Variants in ANKRD24 observed in about 807,000 individuals in gnomAD.
ANKRD24 encodes the protein ankyrin repeat domain-containing protein 24.
A neutral mutation model predicts 127.8 loss-of-function variants in ANKRD24; 109 were observed. That is an observed-to-expected ratio of 0.85 (90% CI 0.73 to 1.00). The LOEUF is 1.00. Among genes scored for constraint, ANKRD24 ranks in the 50% least tolerant of loss-of-function variants. The probability of loss-of-function intolerance (pLI) is 0.00; values close to 1 mark genes in which losing one functional copy is unlikely to be tolerated. For synonymous variants in ANKRD24, 743 were observed against 671.1 expected (o/e 1.11, Z -1.66); for missense variants, 1,648 against 1,570.2 (o/e 1.05, Z -0.84).
At chr19:4,184,353 T>G (rs1434798662) in intron 1 of ANKRD24, among the ~76,000 whole-genome samples, 1 of 152,138 alleles carries the variant, frequency 6.6e-6, no homozygotes, top group Admixed American at 6.5e-5. Flanking sequence ...GAGGATCCCC[T>G]TATGGCCCCA....
chr19:4,199,605 G>A lies in ANKRD24; in HGVS notation c.37-78G>A. On this transcript the variant is annotated intron_variant, in intron 2 of 21. Transcript: ENST00000318934. This position sits in a 1 kb window ranked among gnomAD's most constrained non-coding sequence, Gnocchi z 5.2. ...GTTGGACAACTGGGGTGATGGGCCTGGGGGCAGATGCTGGGGGTCGCAGGC... is the reference window on the plus strand; with the variant it reads ...GTTGGACAACTGGGGTGATGGGCCTAGGGGCAGATGCTGGGGGTCGCAGGC... The A allele has an allele frequency of 6.8e-7, 1 of 1,461,754 alleles. No homozygotes were observed. Among genetic ancestry groups the A allele is most frequent in the Non-Finnish European group, 9.0e-7 (1 of 1,112,684 alleles). 90.5% of individuals were successfully genotyped at this position (1,461,754 alleles called of 1,614,324 possible).
intron 2 of ANKRD24, among the ~76,000 whole-genome samples, chr19:4,191,316 G>A (rs1348439833): frequency 4.3e-5 from 1 of 23,210 alleles, no homozygotes; most frequent in African/African-American, 1.7e-4. Context: ...GCAGGGGCCA[G>A]GCCCCCCCCT....
intron 15 of ANKRD24, among the ~76,000 whole-genome samples, chr19:4,214,698 AC>A (rs1599453637): frequency 6.6e-6 from 1 of 152,194 alleles, no homozygotes. Context: ...TACTAAAAAT[AC>A]AAAAATTAGC....
At chr19:4,211,776 C>T (rs114357673) in intron 13 of ANKRD24, among the ~76,000 whole-genome samples, 2,677 of 152,214 alleles carry the variant, frequency 0.018, 67 homozygotes, top group African/African-American at 0.062. Context: ...TACTGGCACA[C>T]ACAGCAGGCA....
intron 6 of ANKRD24, among the ~76,000 whole-genome samples, chr19:4,202,297 G>T (rs1568324480): frequency 6.6e-6 from 1 of 152,070 alleles, no homozygotes; most frequent in South Asian, 2.1e-4. Flanking sequence ...GCCAGGCGCG[G>T]TGGCTCACGC....
At chr19:4,192,917 G>C (rs943858694) in intron 2 of ANKRD24, among the ~76,000 whole-genome samples, 1 of 151,922 alleles carries the variant, frequency 6.6e-6, no homozygotes, top group African/African-American at 2.4e-5. Context: ...CTGGGTGACA[G>C]AGCAAGACCC....
At chr19:4,186,977 C>T (rs947919645) in intron 2 of ANKRD24, among the ~76,000 whole-genome samples, 1 of 152,092 alleles carries the variant, frequency 6.6e-6, no homozygotes, top group Non-Finnish European at 1.5e-5. Flanking sequence ...AAATAAGTGA[C>T]AATGTGTATT....
At position 4,199,431 on chromosome 19, in the gene ANKRD24, C is replaced by A; in HGVS notation, c.37-252C>A. The stretch of plus-strand genomic sequence containing the variant: ...CCTACTATGGTGCCCAGGTTTGTCT[C>A]AAACTCCTAGGCTCAAGCGATCCTC... On this transcript the variant is annotated intron_variant, in intron 2 of 21. Transcript: ENST00000318934. This position sits in a 1 kb window ranked among gnomAD's most constrained non-coding sequence, Gnocchi z 5.2. The A allele has an allele frequency of 1.1e-6, 1 of 915,358 alleles. No homozygotes were observed. The highest frequency in any genetic ancestry group is 1.3e-6 in the Non-Finnish European group (1 of 766,118). The allele number at this position is 915,358 out of a possible 1,614,324, so 56.7% of individuals were successfully genotyped here.
Position 4,208,817 on chromosome 19 carries a change from C to T in ANKRD24, c.870+16C>T, listed in dbSNP as rs1273873653. 1.2e-6 allele frequency: 2 copies of T among 1,611,874 alleles called. No individual in the cohort carries two copies. ...GTCATCTCAGGTATGGACCCCTAAG[C>T]AGTGAAGGAGCCCCTCCTCCCTGCA... On this transcript the variant is annotated intron_variant, in intron 11 of 21. Coordinates refer to ENST00000318934, the MANE Select transcript of ANKRD24 (RefSeq NM_001393985.1).
chr19:4,198,188 C>G lies in ANKRD24; in HGVS notation c.37-1495C>G. 5.2e-6 allele frequency: 3 copies of G among 571,870 alleles called. No homozygotes were observed. Among genetic ancestry groups the G allele is most frequent in the Non-Finnish European group, 9.3e-6 (3 of 323,006 alleles). 35.4% of individuals were successfully genotyped at this position (571,870 alleles called of 1,614,324 possible). A position where few individuals can be genotyped will look rare whatever the true frequency, so the allele number is the denominator to read the frequency against. ...TGAGGGAGCCGGGCCCCCGGCGCCGCGTCCTCCTCATCCTCCAGGCGACAA... is the reference window on the plus strand; with the variant it reads ...TGAGGGAGCCGGGCCCCCGGCGCCGGGTCCTCCTCATCCTCCAGGCGACAA... On this transcript the variant is annotated intron_variant, in intron 2 of 21. Transcript: ENST00000318934. The surrounding 1 kb of genome is among the most constrained non-coding windows in gnomAD (Gnocchi z 6.1).
Position 4,217,874 on chromosome 19 carries a change from C to T in ANKRD24, c.2714C>T (p.Ala905Val). 6.8e-7 allele frequency: 1 copy of T among 1,460,700 alleles called. No individual in the cohort carries two copies. Among genetic ancestry groups the T allele is most frequent in the Non-Finnish European group, 9.0e-7 (1 of 1,113,414 alleles). The allele number at this position is 1,460,700 out of a possible 1,614,324, so 90.5% of individuals were successfully genotyped here. ...ARQGLAELREASEALRQSVVP... is the reference protein window; with the variant it reads ...ARQGLAELREVSEALRQSVVP... ...CAGGGCCTGGCCGAGCTGCGGGAGG[C>T]CTCCGAGGCCCTCCGCCAGTCCGTG... Residue 905 changes from alanine to valine, a missense_variant, in exon 18 of 22, where the codon GCC (alanine) becomes GTC (valine). Transcript: ENST00000318934.
Position 4,210,385 on chromosome 19 carries a change from C to G in ANKRD24, c.1059+13C>G. 3.3e-6 allele frequency: 5 copies of G among 1,531,852 alleles called. No homozygotes were observed. The South Asian group carries it at 6.1e-5, about 19-fold the overall frequency. 94.9% of individuals were successfully genotyped at this position (1,531,852 alleles called of 1,614,324 possible). A position where few individuals can be genotyped will look rare whatever the true frequency, so the allele number is the denominator to read the frequency against. ...GAGGCAGCAGGAGGTTAGGAGGCCTCGGAGATTTGGGCGTGGGCCAGCCTG... is the reference window on the plus strand; with the variant it reads ...GAGGCAGCAGGAGGTTAGGAGGCCTGGGAGATTTGGGCGTGGGCCAGCCTG... On this transcript the variant is annotated intron_variant, in intron 13 of 21. Transcript: ENST00000318934.
At position 4,183,333 on chromosome 19, in the gene ANKRD24, T is replaced by C. The variant is rs948353404; in HGVS notation, c.-37+593T>C. ...GTTCTGCATTCTGCAGGACAGGTCC[T>C]GCTCAAGGTCAATGGGGCTGGTGGC... On this transcript the variant is annotated intron_variant, in intron 1 of 21. Transcript: ENST00000318934. The C allele has an allele frequency of 5.1e-6, 5 of 986,318 alleles. No homozygotes were observed. In the African/African-American group the frequency reaches 8.7e-5, roughly 17 times the overall value. 61.1% of individuals were successfully genotyped at this position (986,318 alleles called of 1,614,324 possible). A position where few individuals can be genotyped will look rare whatever the true frequency, so the allele number is the denominator to read the frequency against.
intron 2 of ANKRD24, among the ~76,000 whole-genome samples, chr19:4,190,844 G>A (rs571781898): frequency 1.3e-5 from 2 of 152,340 alleles, no homozygotes; most frequent in Non-Finnish European, 2.9e-5. Flanking sequence ...TTCCTCAGAA[G>A]TAGTAGCCAC....
At chr19:4,196,721 G>A (rs755306471) in intron 2 of ANKRD24, among the ~76,000 whole-genome samples, 4 of 152,198 alleles carry the variant, frequency 2.6e-5, no homozygotes, top group Non-Finnish European at 5.9e-5. Flanking sequence ...GGTCTTGGCT[G>A]TGCCCCAGAG....
Position 4,199,673 on chromosome 19 carries a change from C to T in ANKRD24, c.37-10C>T. 1.3e-6 allele frequency: 2 copies of T among 1,523,716 alleles called. No homozygotes were observed. The highest frequency in any genetic ancestry group is 8.8e-7 in the Non-Finnish European group (1 of 1,139,892). The allele number at this position is 1,523,716 out of a possible 1,614,324, so 94.4% of individuals were successfully genotyped here. On this transcript the variant is annotated splice_polypyrimidine_tract_variant and intron_variant, in intron 2 of 21. Coordinates refer to ENST00000318934, the MANE Select transcript of ANKRD24 (RefSeq NM_001393985.1). The surrounding 1 kb of genome is among the most constrained non-coding windows in gnomAD (Gnocchi z 5.2). ...AGGACCCCCTCGCCCAGGACCACCT[C>T]CCCCTGCAGCTGCGGCTCAGCCCCA...
chr19:4,210,745 T>TGCCCACTTCCCAG (rs1969680108), intron 13 of ANKRD24, among the ~76,000 whole-genome samples: 4 of 150,912 alleles, frequency 2.7e-5, no homozygotes, highest in African/African-American at 9.8e-5. Context: ...CCACTTCCCA[T>TGCCCACTTCCCAG]GCCCACTTTC....
intron 2 of ANKRD24, among the ~76,000 whole-genome samples, chr19:4,193,854 A>AGGAAGGAAGGAAGGAT (rs1555712203): frequency 0.056 from 2,295 of 40,824 alleles, 155 homozygotes; most frequent in Non-Finnish European, 0.067. Flanking sequence ...GGAGGAAGGA[A>AGGAAGGAAGGAAGGAT]GGAAGGAAGG....
Position 4,219,571 on chromosome 19 carries a change from T to C in ANKRD24, c.3004-20T>C, listed in dbSNP as rs1242317808. The stretch of plus-strand genomic sequence containing the variant: ...TGGAGTCTTAGTGTCCTGAGAGTCA[T>C]GCGTGGGCTTGGGCCACAGGTGCAG... On this transcript the variant is annotated intron_variant, in intron 18 of 21. Coordinates refer to ENST00000318934, the MANE Select transcript of ANKRD24 (RefSeq NM_001393985.1). 1 of 1,592,582 alleles carries C rather than the reference T, an allele frequency of 6.3e-7. No homozygotes were observed. Among genetic ancestry groups the C allele is most frequent in the South Asian group, 1.1e-5 (1 of 89,684 alleles).
Sources: allele counts gnomAD v4.1 joint callset (sites outside exome capture counted in the v4.1 genomes callset), GRCh38; gene constraint gnomAD v4.1.1; non-coding constraint Gnocchi (gnomAD v3.1); transcripts MANE v1.5; gene names NCBI Gene and HGNC (gene_info 2026-07-23, HGNC 2026-07-21).